Variants in CDC42BPB observed in about 807,000 individuals in gnomAD.
CDC42BPB encodes CDC42 binding protein kinase beta.
Under a neutral mutation model 214.9 loss-of-function variants are expected in CDC42BPB, and 37 were observed. That is an observed-to-expected ratio of 0.17 (90% confidence interval 0.13 to 0.23). The LOEUF is 0.23. CDC42BPB is among the 10% of genes least tolerant of loss of function. The pLI is 1.00. For missense variants in CDC42BPB, 1,694 were observed against 2,227.0 expected, an observed-to-expected ratio of 0.76 and a Z score of 4.82; for synonymous variants, 931 against 884.0, an observed-to-expected ratio of 1.05 and a Z score of -0.94.
At chr14:102,950,036 C>T (rs1892412931) in intron 25 of CDC42BPB, 132 bp from the exon 26 acceptor site, 1 of 1,498,392 alleles carries the variant, frequency 6.7e-7, no homozygotes, top group Non-Finnish European at 8.8e-7. Flanking sequence ...GGATGTTTGC[C>T]CAAGAAGGCT....
intron 1 of CDC42BPB, among the ~76,000 whole-genome samples, chr14:103,024,428 C>T (rs538234186): frequency 9.9e-5 from 15 of 152,220 alleles, no homozygotes; most frequent in African/African-American, 3.1e-4. Flanking sequence ...CTTCCTACCC[C>T]GCATTAAGAA....
At chr14:102,973,544 G>C (rs1893581370) in intron 12 of CDC42BPB, among the ~76,000 whole-genome samples, 1 of 152,144 alleles carries the variant, frequency 6.6e-6, no homozygotes, top group Admixed American at 6.5e-5. Flanking sequence ...TCTAAGAGCA[G>C]AGGCCTGGTG....
Position 102,964,733 on chromosome 14 carries a change from C to T in CDC42BPB, c.2578-83G>A. 1.0e-5 allele frequency: 15 copies of T among 1,465,962 alleles called. No individual in the cohort carries two copies. The South Asian group carries it at 2.0e-4, about 19-fold the overall frequency. The allele number at this position is 1,465,962 out of a possible 1,614,324, so 90.8% of individuals were successfully genotyped here. On this transcript the variant is annotated intron_variant, in intron 18 of 36. Coordinates refer to ENST00000361246, the MANE Select transcript of CDC42BPB (RefSeq NM_006035.4). ...ATGTTAACAAATAAGTTATCTTTGTCTAACCTTAAGCCATTACGGTCTCAT... is the reference window on the plus strand; with the variant it reads ...ATGTTAACAAATAAGTTATCTTTGTTTAACCTTAAGCCATTACGGTCTCAT...
chr14:102,973,640 G>A (rs547279390), intron 12 of CDC42BPB, among the ~76,000 whole-genome samples: 36 of 146,202 alleles, frequency 2.5e-4, no homozygotes, highest in Non-Finnish European at 3.8e-4. Flanking sequence ...CCCTGTGGAC[G>A]GCCACCATGC....
intron 14 of CDC42BPB, among the ~76,000 whole-genome samples, chr14:102,969,378 C>T (rs1311425143): frequency 4.6e-5 from 7 of 152,108 alleles, no homozygotes; most frequent in Non-Finnish European, 7.4e-5. Flanking sequence ...GAGGCCCTGC[C>T]GCACAGGAAT....
chr14:102,954,524 C>T, intron 22 of CDC42BPB, 78 bp downstream of exon 22: 1 of 1,436,728 alleles, frequency 7.0e-7, no homozygotes, highest in East Asian at 2.3e-5. Context: ...TATGCAGGGG[C>T]CAGGTGAGCA....
intron 29 of CDC42BPB, 141 bp downstream of exon 29, chr14:102,945,521 G>C (rs1042147484): frequency 4.4e-6 from 3 of 682,542 alleles, no homozygotes; most frequent in Non-Finnish European, 7.6e-6. Context: ...ACTCGATGCC[G>C]GTCTTCACGG....
rs146805819 is a variant in CDC42BPB at position 102,966,496 on chromosome 14, G to A, written c.2472-109C>T. 4.4e-5 allele frequency: 66 copies of A among 1,507,472 alleles called. No individual in the cohort carries two copies. In the African/African-American group the frequency reaches 4.9e-4, roughly 11 times the overall value. The allele number at this position is 1,507,472 out of a possible 1,614,324, so 93.4% of individuals were successfully genotyped here. On this transcript the variant is annotated intron_variant, in intron 17 of 36. Coordinates refer to ENST00000361246, the MANE Select transcript of CDC42BPB (RefSeq NM_006035.4). ...TCGGCACACAGTGACACAGTGTCAC[G>A]TCAGCTAGAGTGCCCGCAGTGTACC...
chr14:103,019,280 C>T (rs1886638193), intron 1 of CDC42BPB, among the ~76,000 whole-genome samples: 1 of 152,198 alleles, frequency 6.6e-6, no homozygotes, highest in Non-Finnish European at 1.5e-5. Flanking sequence ...CCCTGCAGCT[C>T]AGAAGCTGGG....
intron 1 of CDC42BPB, among the ~76,000 whole-genome samples, chr14:103,030,472 G>T (rs117132163): frequency 0.015 from 2,288 of 152,322 alleles, 22 homozygotes; most frequent in Non-Finnish European, 0.021. Flanking sequence ...AAGGTGTGTG[G>T]ATCACCCGAG....
At chr14:103,006,015 C>CAAAAAA (rs1172933917) in intron 3 of CDC42BPB, among the ~76,000 whole-genome samples, 22 of 58,132 alleles carry the variant, frequency 3.8e-4, no homozygotes, top group African/African-American at 7.7e-4. Context: ...AGAGACGTCT[C>CAAAAAA]AAAAAAAAAA....
At chr14:103,031,477 A>G (rs570030591) in intron 1 of CDC42BPB, among the ~76,000 whole-genome samples, 1 of 152,338 alleles carries the variant, frequency 6.6e-6, no homozygotes, top group South Asian at 2.1e-4. Flanking sequence ...TGCAGTCTGC[A>G]TTTCCTTTCA....
At position 102,966,338 on chromosome 14, in the gene CDC42BPB, T is replaced by C. The variant is rs762802616; in HGVS notation, c.2521A>G (p.Lys841Glu). 2 of 1,614,124 alleles carry C rather than the reference T, an allele frequency of 1.2e-6. No individual in the cohort carries two copies. Among genetic ancestry groups the C allele is most frequent in the South Asian group, 1.1e-5 (1 of 91,080 alleles). ...ARGYLQALAS[K>E]MTEELEALRS... ...AAAGCCTCGAGCTCTTCGGTCATCT[T>C]GGAAGCAAGAGCTTGAAGGTAACCC... Residue 841 changes from lysine (K) to glutamate (E), a missense_variant, in exon 18 of 37, where the codon AAG (lysine) becomes GAG (glutamate). Transcript: ENST00000361246.
chr14:102,964,755 T>G (rs541623624), intron 18 of CDC42BPB, 105 bp from the exon 19 acceptor site: 1 of 1,394,778 alleles, frequency 7.2e-7, no homozygotes, highest in Non-Finnish European at 9.3e-7. Context: ...CATTACGGTC[T>G]CATTTAGATA....
At chr14:102,947,632 C>G in intron 27 of CDC42BPB, 89 bp downstream of exon 27, 1 of 1,157,928 alleles carries the variant, frequency 8.6e-7, no homozygotes, top group Middle Eastern at 2.2e-4. Context: ...ACTGGAGGTG[C>G]GCTGATGGCT....
intron 1 of CDC42BPB, among the ~76,000 whole-genome samples, chr14:103,025,705 C>A (rs1164136327): frequency 2.0e-5 from 3 of 151,370 alleles, no homozygotes; most frequent in African/African-American, 4.9e-5. Context: ...ATAGTCCCAG[C>A]TACTAGGGAG....
intron 36 of CDC42BPB, chr14:102,936,925 C>T (rs1159745372): frequency 1.3e-5 from 2 of 152,256 alleles, no homozygotes; most frequent in Non-Finnish European, 2.9e-5. Flanking sequence ...GTAATCTGAG[C>T]ACTTTGGGAG....
intron 5 of CDC42BPB, among the ~76,000 whole-genome samples, chr14:102,998,679 C>T (rs149651074): frequency 1.1e-4 from 16 of 152,354 alleles, no homozygotes; most frequent in East Asian, 3.9e-4. Flanking sequence ...CTGCCCCACA[C>T]GCTCTCTCAG....
chr14:103,042,302 A>G (rs1888044969), intron 1 of CDC42BPB, among the ~76,000 whole-genome samples: 2 of 151,880 alleles, frequency 1.3e-5, no homozygotes, highest in Non-Finnish European at 1.5e-5. Flanking sequence ...ATTCAACAAA[A>G]ACACAACCCA....
Sources: allele counts gnomAD v4.1 joint callset (sites outside exome capture counted in the v4.1 genomes callset), GRCh38; gene constraint gnomAD v4.1.1; transcripts MANE v1.5; gene names NCBI Gene and HGNC (gene_info 2026-07-23, HGNC 2026-07-21).